Variants in ZDHHC13 observed in about 807,000 individuals in gnomAD.
ZDHHC13 encodes palmitoyltransferase ZDHHC13.
In ZDHHC13, 85 loss-of-function variants were observed where a neutral mutation model predicts 86.0. The ratio of observed to expected loss-of-function variants is 0.99; its 90% CI spans 0.83 to 1.18. The LOEUF is 1.18. ZDHHC13 is among the 50% of genes most tolerant of loss of function. ZDHHC13 has a pLI of 0.00. For missense variants in ZDHHC13, 711 were observed against 730.2 expected (o/e 0.97, Z 0.30); for synonymous variants, 263 against 246.4 (o/e 1.07, Z -0.63).
chr11:19,158,843 C>A, intron 9 of ZDHHC13, 97 bp from the exon 10 acceptor site: 3 of 762,670 alleles, frequency 3.9e-6, no homozygotes, highest in Non-Finnish European at 6.1e-6. Flanking sequence ...ACTGTTGCTG[C>A]TGGTATTATT....
In ZDHHC13 at chr11:19,155,995, T is replaced by C. The variant is rs1054958413; in HGVS notation, c.1007+66T>C. The C allele has an allele frequency of 5.3e-6, 8 of 1,506,834 alleles. No homozygotes were observed. In the Admixed American group the frequency reaches 1.3e-4, roughly 24 times the overall value. The allele number at this position is 1,506,834 out of a possible 1,614,324, so 93.3% of individuals were successfully genotyped here. On this transcript the variant is annotated intron_variant, in intron 9 of 16. Coordinates refer to ENST00000446113, the MANE Select transcript of ZDHHC13 (RefSeq NM_019028.3). ...TGATTTTATTTCTTATTTCTGTTGT[T>C]GGTTAGCTGGAGTCACAGATTTTTA...
In ZDHHC13 at chr11:19,152,555, T is replaced by C; in HGVS notation, c.748-4T>C. The C allele has an allele frequency of 6.3e-7, 1 of 1,597,458 alleles. No homozygotes were observed. Among genetic ancestry groups the C allele is most frequent in the Non-Finnish European group, 8.5e-7 (1 of 1,174,500 alleles). On this transcript the variant is annotated splice_polypyrimidine_tract_variant and splice_region_variant and intron_variant, in intron 7 of 16. Coordinates refer to ENST00000446113, the MANE Select transcript of ZDHHC13 (RefSeq NM_019028.3). ...TTAAACTTTTTACCCTACTCTTTTT[T>C]AAGGGAGAAACACCTCTTGATATGG...
chr11:19,159,098 T>C, intron 10 of ZDHHC13, 58 bp downstream of exon 10: 1 of 1,271,398 alleles, frequency 7.9e-7, no homozygotes, highest in Non-Finnish European at 1.1e-6. Flanking sequence ...AAGAGTAATG[T>C]TATTGTTAGG....
chr11:19,159,125 A>G, intron 10 of ZDHHC13, 85 bp downstream of exon 10: 1 of 954,174 alleles, frequency 1.0e-6, no homozygotes, highest in Admixed American at 2.5e-5. Flanking sequence ...GGTATTGGAA[A>G]AGGCCCAGGG....
intron 9 of ZDHHC13, among the ~76,000 whole-genome samples, chr11:19,157,848 A>G (rs1849800503): frequency 6.6e-6 from 1 of 152,240 alleles, no homozygotes; most frequent in South Asian, 2.1e-4. Flanking sequence ...CTTATTTCTC[A>G]TATTCCTCTA....
chr11:19,150,613 C>A, intron 5 of ZDHHC13, 114 bp from the exon 6 acceptor site: 1 of 867,424 alleles, frequency 1.2e-6, no homozygotes. Context: ...TATTTGAGCC[C>A]TTTATGTAGA....
Position 19,172,749 on chromosome 11 carries a change from T to C in ZDHHC13, c.1659T>C (p.His553=). The C allele has an allele frequency of 6.2e-7, 1 of 1,604,712 alleles. No individual in the cohort carries two copies. The highest frequency in any genetic ancestry group is 8.5e-7 in the Non-Finnish European group (1 of 1,175,528). Residue 553 remains histidine (H), a synonymous_variant, in exon 16 of 17, where the codon CAT becomes CAC. Transcript: ENST00000446113. ...FQIAFLGLTS[H]ERISLQKQSK... ...TTGCCTTTCTGGGCCTGACCTCCCA[T>C]GAGAGAATCAGCCTGCAGAAGCAGA...
At chr11:19,144,380 G>T (rs1212514241) in intron 2 of ZDHHC13, among the ~76,000 whole-genome samples, 1 of 151,916 alleles carries the variant, frequency 6.6e-6, no homozygotes, top group Non-Finnish European at 1.5e-5. Context: ...CTTCTCAAGT[G>T]GTTGTCGGGG....
chr11:19,155,506 A>G (rs1391512593), intron 8 of ZDHHC13, among the ~76,000 whole-genome samples: 1 of 150,126 alleles, frequency 6.7e-6, no homozygotes, highest in South Asian at 2.1e-4. Context: ...GCTTGAACCC[A>G]GGAGACAGAG....
At chr11:19,169,507 GAGC>G (rs1312270627) in intron 14 of ZDHHC13, 1 of 985,356 alleles carries the variant, frequency 1.0e-6, no homozygotes, top group Non-Finnish European at 1.2e-6. Flanking sequence ...GAGTTCTTCA[GAGC>G]AGCATTGGGA....
At chr11:19,123,657 CA>C (rs1848805150) in intron 1 of ZDHHC13, among the ~76,000 whole-genome samples, 1 of 151,600 alleles carries the variant, frequency 6.6e-6, no homozygotes, top group African/African-American at 2.4e-5. Flanking sequence ...AAAAACAAAA[CA>C]AAAAAGGCTT....
intron 8 of ZDHHC13, among the ~76,000 whole-genome samples, chr11:19,154,477 A>G (rs1849702990): frequency 6.6e-6 from 1 of 152,188 alleles, no homozygotes; most frequent in Admixed American, 6.5e-5. Context: ...CCACTCCTAG[A>G]TATGGCGTAG....
Position 19,152,651 on chromosome 11 carries a change from G to A in ZDHHC13, c.840G>A (p.Lys280=). ...KTEAKMRANQ[K]FRLWRWLQKC... is the part of the protein sequence containing the mutation. ...AAGCCAAAATGAGAGCCAACCAAAA[G>A]TTCAGACTTTGGAGGTGGCTGCAGA... Residue 280 remains lysine (K), a synonymous_variant, in exon 8 of 17, where the codon AAG becomes AAA. Coordinates refer to ENST00000446113, the MANE Select transcript of ZDHHC13 (RefSeq NM_019028.3). 6.2e-7 allele frequency: 1 copy of A among 1,613,300 alleles called. No individual in the cohort carries two copies. The highest frequency in any genetic ancestry group is 8.5e-7 in the Non-Finnish European group (1 of 1,179,390).
Position 19,120,903 on chromosome 11 carries a change from G to C in ZDHHC13, c.27+3627G>C, listed in dbSNP as rs1848747545. On this transcript the variant is annotated intron_variant, in intron 1 of 16. Coordinates refer to ENST00000446113, the MANE Select transcript of ZDHHC13 (RefSeq NM_019028.3). ...ATCATAGAATACTTGGAGCTGGAAG[G>C]CTTTTCAGTGAATTACCTAGTTGAG... 2.0e-5 allele frequency among the ~76,000 whole-genome samples: 3 copies of C among 152,168 alleles called. No individual in the cohort carries two copies. In the South Asian group the frequency reaches 6.2e-4, roughly 32 times the overall value.
chr11:19,135,243 G>C (rs911560421), intron 1 of ZDHHC13, among the ~76,000 whole-genome samples: 1 of 152,242 alleles, frequency 6.6e-6, no homozygotes, highest in Non-Finnish European at 1.5e-5. Flanking sequence ...AGCAGGGCGA[G>C]GCGTTGCCTC....
chr11:19,154,521 C>T (rs1266746442), intron 8 of ZDHHC13, among the ~76,000 whole-genome samples: 1 of 152,126 alleles, frequency 6.6e-6, no homozygotes, highest in Non-Finnish European at 1.5e-5. Flanking sequence ...GAAGGAAGCC[C>T]TGCTTACTTT....
intron 1 of ZDHHC13, among the ~76,000 whole-genome samples, chr11:19,139,583 C>G (rs1418299105): frequency 4.0e-5 from 6 of 149,394 alleles, no homozygotes; most frequent in African/African-American, 1.2e-4. Context: ...TCATATGGAA[C>G]CAAAAAAGAG....
chr11:19,124,776 T>G (rs1326587090), intron 1 of ZDHHC13, among the ~76,000 whole-genome samples: 1 of 152,056 alleles, frequency 6.6e-6, no homozygotes, highest in African/African-American at 2.4e-5. Context: ...GGGGTACTGA[T>G]TATTTACCAG....
chr11:19,150,727 A>T lies in ZDHHC13; in HGVS notation c.520A>T (p.Ser174Cys). ...IIAYLISKGQ[S>C]VNMTDVNGQT... ...TGCTAATTGTCTTCTTTTTGAATAG[A>T]GTGTGAATATGACAGATGTAAATGG... The change falls in exon 6 of 17, where the codon AGT becomes TGT. Residue 174 changes from serine to cysteine, a missense_variant and splice_region_variant. Ser to Cys is a moderately radical substitution (Grantham distance 112, BLOSUM62 -1). Transcript: ENST00000446113. 6.2e-7 allele frequency: 1 copy of T among 1,603,194 alleles called. No homozygotes were observed. Among genetic ancestry groups the T allele is most frequent in the Non-Finnish European group, 8.5e-7 (1 of 1,172,362 alleles).
Sources: allele counts gnomAD v4.1 joint callset (sites outside exome capture counted in the v4.1 genomes callset), GRCh38; gene constraint gnomAD v4.1.1; transcripts MANE v1.5; gene names NCBI Gene and HGNC (gene_info 2026-07-23, HGNC 2026-07-21).